Variants in ATP13A3 observed in about 807,000 individuals in gnomAD.
ATP13A3 encodes polyamine-transporting ATPase 13A3.
In ATP13A3, 59 loss-of-function variants were observed where a neutral mutation model predicts 158.1. That is an observed-to-expected ratio of 0.37 (90% CI 0.30 to 0.46). The LOEUF (loss-of-function observed/expected upper bound fraction) is 0.46. Among genes scored for constraint, ATP13A3 ranks in the 20% least tolerant of loss-of-function variants. ATP13A3 has a pLI of 1.00. For missense variants in ATP13A3, 1,166 were observed against 1,525.2 expected (o/e 0.76, Z 3.92); for synonymous variants, 491 against 504.3 (o/e 0.97, Z 0.35).
intron 5 of ATP13A3, 100 bp downstream of exon 5, chr3:194,459,689 C>A: frequency 7.6e-7 from 1 of 1,311,380 alleles, no homozygotes; most frequent in Non-Finnish European, 1.1e-6. Flanking sequence ...AAATTTATCT[C>A]AAGCATTAAC....
rs529912773 is a variant in ATP13A3, at chr3:194,403,741, A to T, written c.*2178T>A. 2 of 200,864 alleles carry T rather than the reference A, an allele frequency of 1.0e-5. No individual in the cohort carries two copies. Among genetic ancestry groups the T allele is most frequent in the East Asian group, 3.1e-4 (2 of 6,384 alleles). 12.4% of individuals were successfully genotyped at this position (200,864 alleles called of 1,614,324 possible). Reference sequence around the variant, plus strand: ...ATCTATGGCACTGAGTAGAACCCACACCTGGCTTCACAGGCATTCTTCAAA... The same window carrying T: ...ATCTATGGCACTGAGTAGAACCCACTCCTGGCTTCACAGGCATTCTTCAAA... On this transcript the variant is annotated 3_prime_UTR_variant, in exon 34 of 34. Coordinates refer to ENST00000645319, the MANE Select transcript of ATP13A3 (RefSeq NM_001367549.1).
rs114403173 is a variant in ATP13A3, at chr3:194,462,030, A to C, written c.51+110T>G. The C allele has an allele frequency of 1.6e-3, 1,565 of 963,778 alleles. 17 individuals carry two copies. In the African/African-American group the frequency reaches 0.022, roughly 14 times the overall value. The allele number at this position is 963,778 out of a possible 1,614,324, so 59.7% of individuals were successfully genotyped here. Reference sequence around the variant, plus strand: ...ACAGGATGAAGAAAGAAGCCCATTGAGTTAGCTGCTGCCGCCACTGTTGTT... The same window carrying C: ...ACAGGATGAAGAAAGAAGCCCATTGCGTTAGCTGCTGCCGCCACTGTTGTT... On this transcript the variant is annotated intron_variant, in intron 3 of 33. Transcript: ENST00000645319.
intron 21 of ATP13A3, among the ~76,000 whole-genome samples, chr3:194,432,740 T>A (rs901762245): frequency 6.6e-6 from 1 of 152,024 alleles, no homozygotes; most frequent in Admixed American, 6.6e-5. Flanking sequence ...AACACAAAAA[T>A]GTATACAGAC....
At chr3:194,463,912 C>G (rs867931541) in intron 2 of ATP13A3, among the ~76,000 whole-genome samples, 7 of 152,224 alleles carry the variant, frequency 4.6e-5, no homozygotes, top group African/African-American at 1.4e-4. Context: ...GTAATCCCAG[C>G]GCTCTGGGAG....
At chr3:194,415,621 G>T (rs55642203) in intron 31 of ATP13A3, among the ~76,000 whole-genome samples, 316 of 142,326 alleles carry the variant, frequency 2.2e-3, no homozygotes, top group Non-Finnish European at 3.7e-3. Context: ...ATATATATTT[G>T]TCTGTAACTG....
At chr3:194,408,208 C>A (rs188724879) in intron 33 of ATP13A3, among the ~76,000 whole-genome samples, 136 of 152,072 alleles carry the variant, frequency 8.9e-4, no homozygotes, top group African/African-American at 3.1e-3. Flanking sequence ...TTAGTAGAGA[C>A]GGGGTTTCAC....
In ATP13A3 at chr3:194,457,108, C is replaced by T. The variant is rs769689109; in HGVS notation, c.546G>A (p.Gly182=). 1.2e-6 allele frequency: 2 copies of T among 1,612,200 alleles called. No homozygotes were observed. The highest frequency in any genetic ancestry group is 1.3e-5 in the African/African-American group (1 of 74,854). ...ATAAAAATTACCTGTAGGCATGCAT[C>T]CCCTTTGTCAGTCCTGCACTATGCT... ...YEKHSAGLTK[G]MHAYRKLLYG... is the part of the protein sequence containing the mutation. Residue 182 remains glycine (G), a synonymous_variant, in exon 7 of 34, where the codon GGG becomes GGA. Coordinates refer to ENST00000645319, the MANE Select transcript of ATP13A3 (RefSeq NM_001367549.1).
At chr3:194,461,405 A>G (rs904572366) in intron 3 of ATP13A3, among the ~76,000 whole-genome samples, 3 of 152,162 alleles carry the variant, frequency 2.0e-5, no homozygotes, top group African/African-American at 7.2e-5. Flanking sequence ...CTAACATGTT[A>G]TTTCTGTTGC....
rs549338147 is a variant in ATP13A3, at chr3:194,428,921, C to A, written c.2875-4G>T. 6.5e-7 allele frequency: 1 copy of A among 1,549,614 alleles called. No homozygotes were observed. The highest frequency in any genetic ancestry group is 8.8e-7 in the Non-Finnish European group (1 of 1,136,874). ...AGTCTCCTAGGTTACTTAAGATCTA[C>A]AGAAGTAATTTTAAAAACATTATTA... is the stretch of plus-strand genomic sequence containing the variant. On this transcript the variant is annotated splice_polypyrimidine_tract_variant and splice_region_variant and intron_variant, in intron 27 of 33. Transcript: ENST00000645319.
At chr3:194,477,092 C>G (rs1720558288) in intron 2 of ATP13A3, among the ~76,000 whole-genome samples, 1 of 152,192 alleles carries the variant, frequency 6.6e-6, no homozygotes, top group African/African-American at 2.4e-5. Flanking sequence ...CTACTGTTCC[C>G]TGACTCCACT....
At chr3:194,463,026 G>C (rs1397095750) in intron 2 of ATP13A3, among the ~76,000 whole-genome samples, 18 of 152,172 alleles carry the variant, frequency 1.2e-4, no homozygotes. Flanking sequence ...GCATAGTAAA[G>C]AGCTATGGCA....
chr3:194,439,472 GTTAAGCTAATACT>G (rs1379632922), intron 16 of ATP13A3, among the ~76,000 whole-genome samples: 17 of 152,184 alleles, frequency 1.1e-4, no homozygotes, highest in Admixed American at 9.2e-4. Context: ...AATACTTCCA[GTTAAGCTAATACT>G]TTAAAGAACC....
At chr3:194,473,242 T>C (rs1720385757) in intron 2 of ATP13A3, among the ~76,000 whole-genome samples, 1 of 152,208 alleles carries the variant, frequency 6.6e-6, no homozygotes, top group African/African-American at 2.4e-5. Context: ...CCTGCATTCA[T>C]GTGTCTCAAC....
intron 2 of ATP13A3, among the ~76,000 whole-genome samples, chr3:194,484,938 T>A (rs1720908260): frequency 6.6e-6 from 1 of 151,144 alleles, no homozygotes; most frequent in Non-Finnish European, 1.5e-5. Context: ...ACACCTGAAA[T>A]CCCAGCTACT....
chr3:194,473,500 C>G (rs561776466), intron 2 of ATP13A3, among the ~76,000 whole-genome samples: 193 of 143,608 alleles, frequency 1.3e-3, no homozygotes, highest in African/African-American at 3.8e-3. Flanking sequence ...AAAAAAAAAC[C>G]TGACAAGGAG....
At chr3:194,450,297 A>T in intron 10 of ATP13A3, 21 bp from the exon 11 acceptor site, 1 of 1,596,410 alleles carries the variant, frequency 6.3e-7, no homozygotes, top group Non-Finnish European at 8.6e-7. Context: ...AGAAAGAAAG[A>T]AAAATCTGAA....
rs80094287 is a variant in ATP13A3 at position 194,448,947 on chromosome 3, T to G, written c.971-311A>C. On this transcript the variant is annotated intron_variant, in intron 11 of 33. Coordinates refer to ENST00000645319, the MANE Select transcript of ATP13A3 (RefSeq NM_001367549.1). The surrounding 1 kb of genome is among the most constrained non-coding windows in gnomAD (Gnocchi z 4.0). ...CAGTTTCAAATAATTTCAAAAAAGA[T>G]TAAGTAGTTGCTATAGTCCCTGCAC... Among the ~76,000 whole-genome samples, 1 of 151,884 alleles carries G rather than the reference T, an allele frequency of 6.6e-6. No individual in the cohort carries two copies. The highest frequency in any genetic ancestry group is 2.4e-5 in the African/African-American group (1 of 41,322).
At chr3:194,420,106 G>A (rs916568847) in intron 30 of ATP13A3, 139 bp from the exon 31 acceptor site, 3 of 937,458 alleles carry the variant, frequency 3.2e-6, no homozygotes, top group East Asian at 3.7e-5. Flanking sequence ...TAAAGTATGT[G>A]CTCTGTTATC....
At chr3:194,444,670 C>T (rs1718276546) in intron 15 of ATP13A3, 55 bp downstream of exon 15, 5 of 1,423,342 alleles carry the variant, frequency 3.5e-6, no homozygotes, top group Non-Finnish European at 4.8e-6. Context: ...GAATGTTGCA[C>T]ATGTTAAAAT....
Sources: allele counts gnomAD v4.1 joint callset (sites outside exome capture counted in the v4.1 genomes callset), GRCh38; gene constraint gnomAD v4.1.1; non-coding constraint Gnocchi (gnomAD v3.1); transcripts MANE v1.5; gene names NCBI Gene and HGNC (gene_info 2026-07-23, HGNC 2026-07-21).